HOOK2: variants seen among roughly 807,000 people sequenced by gnomAD.
The protein encoded by HOOK2 is protein Hook homolog 2.
Under a neutral mutation model 111.9 loss-of-function variants are expected in HOOK2, and 108 were observed. The ratio of observed to expected loss-of-function variants is 0.96; its 90% confidence interval spans 0.83 to 1.13. The LOEUF (loss-of-function observed/expected upper bound fraction) is 1.13, where lower values mean the gene tolerates loss of function less well. Among genes scored for constraint, HOOK2 ranks in the 50% most tolerant of loss-of-function variants. The pLI, the probability that HOOK2 is intolerant of heterozygous loss-of-function variation, is 0.00. For missense variants in HOOK2, 978 were observed against 951.3 expected (o/e 1.03, Z -0.37); for synonymous variants, 405 against 394.3 (o/e 1.03, Z -0.32).
chr19:12,769,005 G>T (rs889192224), intron 11 of HOOK2, among the ~76,000 whole-genome samples: 2 of 137,974 alleles, frequency 1.4e-5, no homozygotes, highest in African/African-American at 5.5e-5. Context: ...TTGCTCTGTC[G>T]CCCAGCCTGG....
chr19:12,778,007 G>T (rs567866121), upstream of HOOK2, among the ~76,000 whole-genome samples: 2 of 152,250 alleles, frequency 1.3e-5, no homozygotes, highest in African/African-American at 2.4e-5. Context: ...CAGAGGTTCC[G>T]AGTGGACCGG....
At chr19:12,765,576 C>T (rs930481736) in intron 18 of HOOK2, 114 bp downstream of exon 18, 15 of 1,378,692 alleles carry the variant, frequency 1.1e-5, no homozygotes, top group African/African-American at 1.0e-4. Flanking sequence ...AGTGAAACCC[C>T]GTCTCTACTA....
At position 12,769,920 on chromosome 19, in the gene HOOK2, C is replaced by T. The variant is rs771760986; in HGVS notation, c.1065G>A (p.Ala355=). 6 of 1,536,480 alleles carry T rather than the reference C, an allele frequency of 3.9e-6. No homozygotes were observed. The highest frequency in any genetic ancestry group is 5.2e-6 in the Non-Finnish European group (6 of 1,150,240). ...TRQLEDELRR[A]GSLRAQLEAQ... ...CCTCCAGCTGGGCGCGCAGGGAGCCCGCTCGGCGTAGCTCATCCTCCAGTT... is the reference window on the plus strand; with the variant it reads ...CCTCCAGCTGGGCGCGCAGGGAGCCTGCTCGGCGTAGCTCATCCTCCAGTT... The change falls in exon 11 of 23, where the codon GCG becomes GCA. Residue 355 remains alanine (A), a synonymous_variant. Coordinates refer to ENST00000397668, the MANE Select transcript of HOOK2 (RefSeq NM_013312.3).
chr19:12,788,651 G>T (rs1055523969), intron 3 of HOOK2, among the ~76,000 whole-genome samples: 1 of 151,754 alleles, frequency 6.6e-6, no homozygotes, highest in Non-Finnish European at 1.5e-5. Flanking sequence ...AATTACTGTG[G>T]CCTCCTGGCT....
At chr19:12,792,129 G>A (rs1431703781) in intron 3 of HOOK2, 2 of 1,599,082 alleles carry the variant, frequency 1.3e-6, no homozygotes, top group Non-Finnish European at 1.7e-6. Flanking sequence ...CAGCGGTGGA[G>A]GTGCAGGGGG....
chr19:12,770,853 C>T lies in HOOK2; in HGVS notation c.902+79G>A, dbSNP rs1968303825. On this transcript the variant is annotated intron_variant, in intron 10 of 22. Transcript: ENST00000397668. ...TGGGCACATGAAAATTACAGAGCTG[C>T]TATGGCATCAGAGGGGAACTCTGGA... 3 of 1,502,064 alleles carry T rather than the reference C, an allele frequency of 2.0e-6. No individual in the cohort carries two copies. The Admixed American group carries it at 6.1e-5, about 31-fold the overall frequency. 93.0% of individuals were successfully genotyped at this position (1,502,064 alleles called of 1,614,324 possible).
intron 3 of HOOK2, among the ~76,000 whole-genome samples, chr19:12,784,026 C>T (rs1242593599): frequency 1.3e-5 from 2 of 151,916 alleles, no homozygotes; most frequent in Non-Finnish European, 2.9e-5. Context: ...CGCTGCAGCC[C>T]CACCCCCGCC....
chr19:12,775,072 C>T (rs1968458069), intron 1 of HOOK2, 175 bp from the exon 2 acceptor site: 1 of 707,680 alleles, frequency 1.4e-6, no homozygotes, highest in East Asian at 1.3e-4. Flanking sequence ...GGGGCGTGGC[C>T]TCACCTCACC....
chr19:12,775,023 C>A, intron 1 of HOOK2, 126 bp from the exon 2 acceptor site: 1 of 1,135,050 alleles, frequency 8.8e-7, no homozygotes, highest in Non-Finnish European at 1.3e-6. Context: ...GCCACAGCAG[C>A]TCTGCGAGGG....
intron 18 of HOOK2, 151 bp from the exon 19 acceptor site, chr19:12,765,232 C>A: frequency 1.4e-6 from 1 of 736,856 alleles, no homozygotes; most frequent in South Asian, 1.7e-5. Flanking sequence ...GGGCTGTGTG[C>A]CCTGGTCCCA....
At chr19:12,764,725 G>C (rs1375859055) in intron 20 of HOOK2, 89 bp downstream of exon 20, 1 of 1,058,410 alleles carries the variant, frequency 9.4e-7, no homozygotes, top group Non-Finnish European at 1.4e-6. Context: ...TGGGGGCACA[G>C]ATGTGCAAGC....
At chr19:12,764,741 G>T in intron 20 of HOOK2, 73 bp downstream of exon 20, 1 of 1,298,882 alleles carries the variant, frequency 7.7e-7, no homozygotes, top group Non-Finnish European at 1.1e-6. Context: ...CAAGCAGGAG[G>T]TTTGACTCAA....
chr19:12,782,569 G>A (rs987845437), upstream of HOOK2, among the ~76,000 whole-genome samples: 2 of 152,212 alleles, frequency 1.3e-5, no homozygotes, highest in Non-Finnish European at 2.9e-5. Context: ...ACACGACGGG[G>A]GTCGCTGCGT....
At chr19:12,776,773 A>C (rs1274715655), upstream of HOOK2, among the ~76,000 whole-genome samples, 1 of 151,620 alleles carries the variant, frequency 6.6e-6, no homozygotes, top group Non-Finnish European at 1.5e-5. Flanking sequence ...GCTTGAGCCC[A>C]GGAGGTCGAG....
Position 12,766,005 on chromosome 19 carries a change from C to T in HOOK2, c.1521G>A (p.Gln507=). ...HGLETQHRLN[Q]QQLSELRAQV... ...GGGCCCGCAGCTCGGATAGCTGCTG[C>T]TGGTTCAGCCTGCGAGGGTGGGGGG... The change falls in exon 16 of 23, where the codon CAG becomes CAA. Residue 507 remains glutamine (Q), a synonymous_variant. Coordinates refer to ENST00000397668, the MANE Select transcript of HOOK2 (RefSeq NM_013312.3). 6.2e-7 allele frequency: 1 copy of T among 1,613,576 alleles called. No individual in the cohort carries two copies. The highest frequency in any genetic ancestry group is 8.5e-7 in the Non-Finnish European group (1 of 1,179,986).
At chr19:12,781,891 G>C (rs961119374), upstream of HOOK2, among the ~76,000 whole-genome samples, 1 of 151,500 alleles carries the variant, frequency 6.6e-6, no homozygotes, top group African/African-American at 2.4e-5. Flanking sequence ...CCAGGCTGGA[G>C]TGCAGTGGCA....
Position 12,774,601 on chromosome 19 carries a change from T to C in HOOK2, c.204+68A>G, listed in dbSNP as rs1169341294. Reference sequence around the variant, plus strand: ...CTTCCTGCCCATCACCCAGGACATGTGCCTAGCTGGCCCGTCCCTGGTCAT... The same window carrying C: ...CTTCCTGCCCATCACCCAGGACATGCGCCTAGCTGGCCCGTCCCTGGTCAT... On this transcript the variant is annotated intron_variant, in intron 3 of 22. Coordinates refer to ENST00000397668, the MANE Select transcript of HOOK2 (RefSeq NM_013312.3). The C allele has an allele frequency of 3.5e-6, 5 of 1,442,388 alleles. No homozygotes were observed. The African/African-American group carries it at 4.2e-5, about 12-fold the overall frequency. The allele number at this position is 1,442,388 out of a possible 1,614,324, so 89.3% of individuals were successfully genotyped here.
intron 3 of HOOK2, among the ~76,000 whole-genome samples, chr19:12,784,098 T>C (rs964036637): frequency 1.3e-5 from 2 of 152,044 alleles, no homozygotes; most frequent in African/African-American, 4.8e-5. Context: ...GGATGGAGAC[T>C]GTGTCTCGGG....
Position 12,772,178 on chromosome 19 carries a change from C to A in HOOK2, c.519+12G>T. 20 of 1,603,556 alleles carry A rather than the reference C, an allele frequency of 1.2e-5. 1 individual carries two copies. Among genetic ancestry groups the A allele is most frequent in the Non-Finnish European group, 1.7e-5 (20 of 1,170,390 alleles). ...CCCTGTGCCTGGAACACCTTTCCCC[C>A]AAATCTCTTACCTGGCTGTCAAAGT... is the stretch of plus-strand genomic sequence containing the variant. On this transcript the variant is annotated intron_variant, in intron 7 of 22. Coordinates refer to ENST00000397668, the MANE Select transcript of HOOK2 (RefSeq NM_013312.3).
Sources: gnomAD v4.1 joint callset for allele counts (sites outside exome capture counted in the v4.1 genomes callset) on GRCh38, gnomAD v4.1.1 for gene constraint, MANE v1.5 for transcripts, NCBI Gene and HGNC (gene_info 2026-07-23, HGNC 2026-07-21) for gene names.